Variants in SLC30A9 observed in about 807,000 individuals in gnomAD.
SLC30A9 encodes solute carrier family 30 member 9.
SLC30A9 carries 58 observed loss-of-function variants against 87.5 expected under a neutral mutation model. That is an observed-to-expected ratio of 0.66 (90% CI 0.54 to 0.82). The LOEUF is 0.82. Among genes scored for constraint, SLC30A9 ranks in the 40% least tolerant of loss-of-function variants. The probability of loss-of-function intolerance (pLI) is 0.00; values close to 1 mark genes in which losing one functional copy is unlikely to be tolerated. For missense variants in SLC30A9, 557 were observed against 679.1 expected, an observed-to-expected ratio of 0.82 and a Z score of 2.00; for synonymous variants, 234 against 233.0, an observed-to-expected ratio of 1.00 and a Z score of -0.04.
rs757123598 is a variant in SLC30A9 at position 42,035,312 on chromosome 4, A to G, written c.648A>G (p.Arg216=). Residue 216 remains arginine (R), a synonymous_variant, in exon 7 of 18, where the codon AGA becomes AGG. Transcript: ENST00000264451. The part of the protein sequence containing the change: ...FRNQKILREY[R]DFLGNTKPRS... Reference sequence around the variant, plus strand: ...ACCAAAAAATATTAAGAGAATACAGAGATTTCTTGGGAAATACCAAGGTAT... The same window carrying G: ...ACCAAAAAATATTAAGAGAATACAGGGATTTCTTGGGAAATACCAAGGTAT... 1.1e-5 allele frequency: 18 copies of G among 1,602,766 alleles called. No individual in the cohort carries two copies. Among genetic ancestry groups the G allele is most frequent in the Non-Finnish European group, 1.5e-5 (17 of 1,172,146 alleles).
intron 2 of SLC30A9, among the ~76,000 whole-genome samples, chr4:42,016,915 C>G (rs150153618): frequency 9.9e-5 from 15 of 152,254 alleles, no homozygotes; most frequent in Non-Finnish European, 1.9e-4. Context: ...GTACCTCTGT[C>G]CTTGTGCCCT....
At chr4:42,025,865 C>G (rs1387469207) in intron 6 of SLC30A9, among the ~76,000 whole-genome samples, 1 of 152,094 alleles carries the variant, frequency 6.6e-6, no homozygotes, top group Non-Finnish European at 1.5e-5. Context: ...CAGGGTTTCA[C>G]CGTGGTCTCG....
intron 6 of SLC30A9, chr4:42,029,905 G>T (rs34936554): frequency 0.022 from 15,444 of 714,698 alleles, 262 homozygotes; most frequent in South Asian, 0.044. Flanking sequence ...GAGTATTTTG[G>T]ACTGGGCACC....
At chr4:42,009,678 T>C (rs773172717) in intron 2 of SLC30A9, among the ~76,000 whole-genome samples, 9 of 152,254 alleles carry the variant, frequency 5.9e-5, no homozygotes, top group Non-Finnish European at 1.2e-4. Context: ...TTTACTAGCA[T>C]TCTTGTTTGT....
At chr4:42,009,072 C>A (rs1300600707) in intron 2 of SLC30A9, among the ~76,000 whole-genome samples, 4 of 152,150 alleles carry the variant, frequency 2.6e-5, no homozygotes, top group Non-Finnish European at 5.9e-5. Flanking sequence ...CAATGCTCTG[C>A]AGAGGTGAAC....
At chr4:42,044,634 A>G (rs1216677706) in intron 8 of SLC30A9, among the ~76,000 whole-genome samples, 1 of 152,204 alleles carries the variant, frequency 6.6e-6, no homozygotes, top group Non-Finnish European at 1.5e-5. Context: ...TTAACCCCTC[A>G]TTGTCAATAT....
chr4:42,028,153 C>G (rs1383213253), intron 6 of SLC30A9, among the ~76,000 whole-genome samples: 1 of 152,202 alleles, frequency 6.6e-6, no homozygotes, highest in Non-Finnish European at 1.5e-5. Context: ...GAGTCTCACT[C>G]TGTCACCAGG....
intron 2 of SLC30A9, among the ~76,000 whole-genome samples, chr4:42,004,799 G>A (rs1715134460): frequency 6.6e-6 from 1 of 151,532 alleles, no homozygotes; most frequent in Non-Finnish European, 1.5e-5. Context: ...AAACAGGTGT[G>A]TGCTGCCACG....
intron 6 of SLC30A9, chr4:42,030,007 A>G (rs4861155): frequency 0.71 from 620,883 of 877,950 alleles, 231,480 homozygotes; most frequent in East Asian, 0.96. Context: ...CAGTTCACCA[A>G]CCTTACCATG....
intron 17 of SLC30A9, among the ~76,000 whole-genome samples, chr4:42,084,717 CG>C (rs1385347553): frequency 6.6e-6 from 1 of 152,144 alleles, no homozygotes; most frequent in Non-Finnish European, 1.5e-5. Context: ...GTGATCCGCC[CG>C]CCTCGGCCTC....
At chr4:42,067,026 G>T in intron 13 of SLC30A9, 59 bp from the exon 14 acceptor site, 2 of 929,132 alleles carry the variant, frequency 2.2e-6, no homozygotes, top group Non-Finnish European at 3.5e-6. Flanking sequence ...AATGTTACCT[G>T]ATAGTATCAA....
At chr4:42,001,924 T>C (rs1715002658) in intron 2 of SLC30A9, 144 bp downstream of exon 2, 4 of 555,266 alleles carry the variant, frequency 7.2e-6, no homozygotes, top group Non-Finnish European at 9.2e-6. Flanking sequence ...AAAGCACTTA[T>C]TTAATTTCTT....
rs1718520205 is a variant in SLC30A9 at position 42,075,642 on chromosome 4, T to G, written c.1419-15T>G. On this transcript the variant is annotated splice_polypyrimidine_tract_variant and intron_variant, in intron 15 of 17. Transcript: ENST00000264451. The stretch of plus-strand genomic sequence containing the variant: ...TATGTATAAATAAATTTGTATGCAT[T>G]GTTATTGATTGCAGGGCAATTCATG... 1 of 1,609,302 alleles carries G rather than the reference T, an allele frequency of 6.2e-7. No individual in the cohort carries two copies. The highest frequency in any genetic ancestry group is 1.1e-5 in the South Asian group (1 of 90,804).
At chr4:42,014,066 A>G (rs543858463) in intron 2 of SLC30A9, among the ~76,000 whole-genome samples, 3 of 152,370 alleles carry the variant, frequency 2.0e-5, no homozygotes, top group Non-Finnish European at 4.4e-5. Flanking sequence ...AAATGTGGAC[A>G]AAATATCTCA....
intron 17 of SLC30A9, among the ~76,000 whole-genome samples, chr4:42,082,895 G>A (rs1276761304): frequency 6.6e-6 from 1 of 151,140 alleles, no homozygotes; most frequent in Non-Finnish European, 1.5e-5. Context: ...TATCTGTAAA[G>A]GTGTTAAAAA....
Position 42,078,323 on chromosome 4 carries a change from A to C in SLC30A9, c.1660A>C (p.Lys554Gln). ...AEVDRLEKEL[K>Q]KRNPEVRHVD... ...AGTAGATAGACTTGAGAAGGAACTG[A>C]AAGTAAGATGTATTCATAAAAATAA... Residue 554 changes from lysine to glutamine, a missense_variant and splice_region_variant, in exon 17 of 18, where the codon AAA becomes CAA. This residue lies in a region of SLC30A9 where 90 missense variants were observed against 149.4 expected (regional missense o/e 0.60). Transcript: ENST00000264451. 1 of 1,406,028 alleles carries C rather than the reference A, an allele frequency of 7.1e-7. No homozygotes were observed. The highest frequency in any genetic ancestry group is 1.0e-6 in the Non-Finnish European group (1 of 1,004,686). The allele number at this position is 1,406,028 out of a possible 1,614,324, so 87.1% of individuals were successfully genotyped here.
chr4:42,070,499 A>G, intron 14 of SLC30A9, 27 bp from the exon 15 acceptor site: 1 of 1,583,854 alleles, frequency 6.3e-7, no homozygotes, highest in Non-Finnish European at 8.6e-7. Context: ...CTGTTAATTT[A>G]CTGATTTTTT....
At chr4:42,057,698 T>C (rs1201018810) in intron 9 of SLC30A9, among the ~76,000 whole-genome samples, 1 of 152,212 alleles carries the variant, frequency 6.6e-6, no homozygotes, top group Admixed American at 6.5e-5. Context: ...TCATTACTTA[T>C]GCAAATTTCT....
At chr4:42,069,775 G>A (rs775414241) in intron 14 of SLC30A9, among the ~76,000 whole-genome samples, 20 of 152,092 alleles carry the variant, frequency 1.3e-4, no homozygotes, top group Non-Finnish European at 2.6e-4. Flanking sequence ...ATTGGTTCTG[G>A]GAGAGAAGCC....
Sources: gnomAD v4.1 joint callset for allele counts (sites outside exome capture counted in the v4.1 genomes callset) on GRCh38, gnomAD v4.1.1 for gene constraint, gnomAD v4.1.1 regional missense constraint, MANE v1.5 for transcripts, NCBI Gene and HGNC (gene_info 2026-07-23, HGNC 2026-07-21) for gene names.